PRKG1: variants seen among roughly 807,000 people sequenced by gnomAD.
PRKG1 encodes cGMP-dependent protein kinase 1.
Under a neutral mutation model 88.1 loss-of-function variants are expected in PRKG1, and 35 were observed. The ratio of observed to expected loss-of-function variants is 0.40; its 90% CI spans 0.30 to 0.53. PRKG1 has a LOEUF of 0.53. Ranked by LOEUF, PRKG1 falls within the 20% of genes least tolerant of loss-of-function variation. The pLI is 0.59. For missense variants in PRKG1, 540 were observed against 839.8 expected (o/e 0.64, Z 4.41); for synonymous variants, 303 against 292.5 (o/e 1.04, Z -0.37).
In PRKG1 at chr10:51,997,999, T is replaced by C. The variant is rs934009736; in HGVS notation, c.763-56485T>C. On this transcript the variant is annotated intron_variant, in intron 5 of 17. Transcript: ENST00000373980. ...TCTCAGAAAGAAAGCTTTCAATGTT[T>C]GACCATAAAAACATTATTTTTTATT... Among the ~76,000 whole-genome samples the C allele has an allele frequency of 2.6e-5, 4 of 152,296 alleles. No homozygotes were observed. The South Asian group carries it at 8.3e-4, about 32-fold the overall frequency.
At chr10:51,400,381 T>C (rs938124910) in intron 2 of PRKG1, among the ~76,000 whole-genome samples, 55 of 152,168 alleles carry the variant, frequency 3.6e-4, no homozygotes, top group African/African-American at 1.3e-3. Context: ...AAATAACTTT[T>C]ACATTGAGAC....
rs201538311 is a variant in PRKG1, at chr10:52,166,787, C to CTATATATATATATATATA, written c.1076+4834_1076+4835insTATATATATATATATATA. On this transcript the variant is annotated intron_variant, in intron 9 of 17. Coordinates refer to ENST00000373980, the MANE Select transcript of PRKG1 (RefSeq NM_006258.4). ...CAGCTATTTCTTCAAATAAAAAAGC[C>CTATATATATATATATATA]TATATATATACATATATATATGTAT... 6.8e-3 allele frequency among the ~76,000 whole-genome samples: 85 copies of CTATATATATATATATATA among 12,454 alleles called. 1 individual carries two copies. The highest frequency in any genetic ancestry group is 0.014 in the Admixed American group (7 of 488). The allele number at this position is 12,454 out of a possible 152,430, so 8.2% of individuals were successfully genotyped here. A position where few individuals can be genotyped will look rare whatever the true frequency, so the allele number is the denominator to read the frequency against.
At chr10:51,616,547 C>T (rs2132254058) in intron 3 of PRKG1, among the ~76,000 whole-genome samples, 1 of 152,196 alleles carries the variant, frequency 6.6e-6, no homozygotes, top group African/African-American at 2.4e-5. Flanking sequence ...TCTCAAGCCC[C>T]AAAGATAAGT....
intron 8 of PRKG1, among the ~76,000 whole-genome samples, chr10:52,151,245 C>T (rs1837905724): frequency 6.6e-6 from 1 of 152,112 alleles, no homozygotes; most frequent in African/African-American, 2.4e-5. Flanking sequence ...TCACCTTTCA[C>T]CCTCGGGTGG....
rs112195152 is a variant in PRKG1, at chr10:52,119,792, G to C, written c.936-14048G>C. On this transcript the variant is annotated intron_variant, in intron 7 of 17. Coordinates refer to ENST00000373980, the MANE Select transcript of PRKG1 (RefSeq NM_006258.4). ...GAACAGGAATTTATTTTTTACAGTT[G>C]GAAGTTGAAAAGCCTAAGGTTGTGG... is the stretch of plus-strand genomic sequence containing the variant. Among the ~76,000 whole-genome samples, 1,297 of 152,248 alleles carry C rather than the reference G, an allele frequency of 8.5e-3. 14 individuals carry two copies. The highest frequency in any genetic ancestry group is 0.026 in the African/African-American group (1,086 of 41,530).
At chr10:52,270,605 C>T (rs1490615682) in intron 10 of PRKG1, among the ~76,000 whole-genome samples, 2 of 151,068 alleles carry the variant, frequency 1.3e-5, no homozygotes, top group African/African-American at 2.4e-5. Context: ...TCATTCTCAG[C>T]AAACTATCGC....
chr10:51,739,511 A>T (rs1837377536), intron 3 of PRKG1, among the ~76,000 whole-genome samples: 2 of 152,204 alleles, frequency 1.3e-5, no homozygotes, highest in Non-Finnish European at 2.9e-5. Context: ...TGCTCCTAAC[A>T]GCCTCCCAGA....
chr10:51,528,665 C>G, intron 3 of PRKG1, among the ~76,000 whole-genome samples: 2 of 146,818 alleles, frequency 1.4e-5, no homozygotes, highest in East Asian at 2.0e-4. Context: ...ATCCTTTCTT[C>G]TCGGGGTGGG....
chr10:51,211,470 G>A (rs367760380), intron 2 of PRKG1, among the ~76,000 whole-genome samples: 2 of 152,084 alleles, frequency 1.3e-5, no homozygotes, highest in South Asian at 2.1e-4. Flanking sequence ...GGACAGGGCA[G>A]TCAGGCAGGA....
intron 12 of PRKG1, among the ~76,000 whole-genome samples, chr10:52,275,098 T>C (rs1564541862): frequency 6.6e-6 from 1 of 152,316 alleles, no homozygotes; most frequent in East Asian, 1.9e-4. Context: ...GTCAGATGTA[T>C]AGACTGTGAA....
At chr10:51,994,170 C>T (rs1844378841) in intron 5 of PRKG1, among the ~76,000 whole-genome samples, 1 of 152,100 alleles carries the variant, frequency 6.6e-6, no homozygotes, top group Non-Finnish European at 1.5e-5. Flanking sequence ...GGAACTGAAG[C>T]TGCTTTTTTC....
chr10:51,312,574 G>A (rs867372084), intron 2 of PRKG1, among the ~76,000 whole-genome samples: 12 of 152,138 alleles, frequency 7.9e-5, no homozygotes, highest in African/African-American at 2.7e-4. Context: ...GGGTAGGTGA[G>A]AAAGGATGAT....
chr10:52,110,222 C>A (rs1374985176), intron 7 of PRKG1, among the ~76,000 whole-genome samples: 1 of 151,688 alleles, frequency 6.6e-6, no homozygotes, highest in African/African-American at 2.4e-5. Flanking sequence ...GTGGCGGGTG[C>A]CTGTAGTCCC....
intron 5 of PRKG1, among the ~76,000 whole-genome samples, chr10:51,981,199 A>G (rs756354228): frequency 6.6e-6 from 1 of 152,162 alleles, no homozygotes; most frequent in Non-Finnish European, 1.5e-5. Flanking sequence ...TTCCCTCAGC[A>G]TTCACTTGTC....
At chr10:52,114,951 A>T (rs1264041814) in intron 7 of PRKG1, among the ~76,000 whole-genome samples, 5 of 152,090 alleles carry the variant, frequency 3.3e-5, no homozygotes, top group Non-Finnish European at 5.9e-5. Context: ...GTAATGAAAG[A>T]AGTTTTCCAA....
At chr10:52,025,086 A>G (rs1196820884) in intron 5 of PRKG1, among the ~76,000 whole-genome samples, 5 of 152,144 alleles carry the variant, frequency 3.3e-5, no homozygotes, top group Non-Finnish European at 7.3e-5. Context: ...ACCAGTGATG[A>G]TGAGCATTTT....
At chr10:52,136,627 A>G (rs975769701) in intron 8 of PRKG1, among the ~76,000 whole-genome samples, 3 of 152,058 alleles carry the variant, frequency 2.0e-5, no homozygotes, top group African/African-American at 7.2e-5. Context: ...TCTGAGTCTC[A>G]GTTTTCCTGT....
At chr10:51,787,749 T>G (rs1256840173) in intron 3 of PRKG1, among the ~76,000 whole-genome samples, 1 of 152,200 alleles carries the variant, frequency 6.6e-6, no homozygotes, top group African/African-American at 2.4e-5. Context: ...ATTTGGGAAG[T>G]TCTTATCAAA....
chr10:51,249,560 A>C (rs1254018642), intron 2 of PRKG1, among the ~76,000 whole-genome samples: 1 of 151,866 alleles, frequency 6.6e-6, no homozygotes, highest in African/African-American at 2.4e-5. Flanking sequence ...TTTGAATGCT[A>C]ATAGTGTTAG....
Sources: allele counts gnomAD v4.1 joint callset (sites outside exome capture counted in the v4.1 genomes callset), GRCh38; gene constraint gnomAD v4.1.1; transcripts MANE v1.5; gene names NCBI Gene and HGNC (gene_info 2026-07-23, HGNC 2026-07-21).